CDON: variants seen among roughly 807,000 people sequenced by gnomAD.
CDON encodes the protein cell adhesion molecule-related/down-regulated by oncogenes.
In CDON, 73 loss-of-function variants were observed where a neutral mutation model predicts 120.9. The observed-to-expected ratio is 0.60, with a 90% confidence interval of 0.50 to 0.73. CDON has a LOEUF of 0.73. Ranked by LOEUF, CDON falls within the 30% of genes least tolerant of loss-of-function variation. The pLI is 0.00. For synonymous variants in CDON, 566 were observed against 573.5 expected, an observed-to-expected ratio of 0.99 and a Z score of 0.19; for missense variants, 1,470 against 1,587.3, an observed-to-expected ratio of 0.93 and a Z score of 1.26.
intron 15 of CDON, among the ~76,000 whole-genome samples, chr11:125,984,500 C>T (rs901834365): frequency 3.3e-5 from 5 of 152,066 alleles, no homozygotes; most frequent in East Asian, 1.9e-4. Context: ...AGTTTGCGAA[C>T]GGCCTGAGCA....
rs780737060 is a variant in CDON, at chr11:125,961,880, C to T, written c.3475G>A (p.Val1159Ile). The T allele has an allele frequency of 6.9e-5, 112 of 1,614,104 alleles. No homozygotes were observed. The highest frequency in any genetic ancestry group is 8.8e-5 in the Non-Finnish European group (104 of 1,180,034). ...MKPLSHVKVP[V>I]CLTSAVPDCG... ...TCAGGGACTGCGGAAGTCAGGCATA[C>T]AGGCACCTTCACGTGACTGAGGGGC... is the stretch of plus-strand genomic sequence containing the variant. The change falls in exon 19 of 20, where the codon GTA becomes ATA. Residue 1159 changes from valine (V) to isoleucine (I), a missense_variant. Physicochemically the swap from Val to Ile is conservative, Grantham distance 29. Coordinates refer to ENST00000531738, the MANE Select transcript of CDON (RefSeq NM_001378964.1).
At chr11:126,060,961 C>A (rs1354180339) in intron 1 of CDON, among the ~76,000 whole-genome samples, 1 of 152,204 alleles carries the variant, frequency 6.6e-6, no homozygotes, top group Non-Finnish European at 1.5e-5. Context: ...TGTTTAAGTA[C>A]TTTGCACAGA....
intron 1 of CDON, among the ~76,000 whole-genome samples, chr11:126,033,167 CAAGT>C (rs1458157870): frequency 6.6e-6 from 1 of 152,196 alleles, no homozygotes; most frequent in East Asian, 1.9e-4. Context: ...CTGACTCAGA[CAAGT>C]GAGTGAGTGG....
chr11:125,970,224 G>C (rs1348965289), intron 18 of CDON, among the ~76,000 whole-genome samples: 2 of 148,422 alleles, frequency 1.3e-5, no homozygotes, highest in African/African-American at 5.0e-5. Context: ...CGCCAGGCTG[G>C]AGTGCAGTGG....
intron 18 of CDON, among the ~76,000 whole-genome samples, chr11:125,971,338 G>C (rs886694653): frequency 1.3e-5 from 2 of 151,698 alleles, no homozygotes; most frequent in Non-Finnish European, 2.9e-5. Flanking sequence ...AGCCGAGATC[G>C]CACCACTGCA....
intron 1 of CDON, among the ~76,000 whole-genome samples, chr11:126,050,086 A>G (rs1053756797): frequency 6.6e-6 from 1 of 152,102 alleles, no homozygotes; most frequent in Non-Finnish European, 1.5e-5. Context: ...GAACTTTAGA[A>G]GAATGAGTTT....
At chr11:126,024,036 T>C (rs1277911071) in intron 1 of CDON, among the ~76,000 whole-genome samples, 1 of 152,190 alleles carries the variant, frequency 6.6e-6, no homozygotes, top group African/African-American at 2.4e-5. Flanking sequence ...TTTTTTCAGA[T>C]GGAGGACTCC....
At chr11:125,987,461 A>G (rs1414595375) in intron 15 of CDON, among the ~76,000 whole-genome samples, 1 of 152,216 alleles carries the variant, frequency 6.6e-6, no homozygotes, top group African/African-American at 2.4e-5. Flanking sequence ...TGAAGTACAC[A>G]TGAGATCTTC....
At chr11:126,004,110 C>T (rs777952732) in intron 9 of CDON, 34 bp from the exon 10 acceptor site, 1 of 1,604,376 alleles carries the variant, frequency 6.2e-7, no homozygotes, top group East Asian at 2.2e-5. Context: ...AAAAGAAAAG[C>T]AGGAGATGGA....
intron 18 of CDON, among the ~76,000 whole-genome samples, chr11:125,967,608 C>T (rs1333152598): frequency 6.6e-6 from 1 of 152,154 alleles, no homozygotes; most frequent in East Asian, 1.9e-4. Flanking sequence ...GCCTTGATGT[C>T]GCATTGCTCT....
intron 18 of CDON, among the ~76,000 whole-genome samples, chr11:125,965,020 G>A (rs1194972852): frequency 1.3e-5 from 2 of 152,084 alleles, no homozygotes; most frequent in African/African-American, 4.8e-5. Context: ...TCCGCCTTTC[G>A]GGTTCAAGCA....
intron 2 of CDON, among the ~76,000 whole-genome samples, chr11:126,022,412 C>T (rs545369501): frequency 4.6e-5 from 7 of 152,198 alleles, no homozygotes; most frequent in South Asian, 4.2e-4. Flanking sequence ...CATAGGGCTT[C>T]GTATTTTTAT....
At chr11:126,040,724 A>C (rs1948234546) in intron 1 of CDON, among the ~76,000 whole-genome samples, 1 of 141,548 alleles carries the variant, frequency 7.1e-6, no homozygotes, top group East Asian at 2.3e-4. Context: ...CTGAGGCAGG[A>C]GAATGGCGTG....
At position 125,958,611 on chromosome 11, in the gene CDON, A is replaced by G. The variant is rs1023512631; in HGVS notation, c.*2331T>C. ...TGTGTGTTTATATATATATATTTAT[A>G]TATTTCAATATATAAAGGCATTTTT... On this transcript the variant is annotated 3_prime_UTR_variant, in exon 20 of 20. Coordinates refer to ENST00000531738, the MANE Select transcript of CDON (RefSeq NM_001378964.1). 1 of 148,724 alleles carries G rather than the reference A, an allele frequency of 6.7e-6. No individual in the cohort carries two copies. The highest frequency in any genetic ancestry group is 1.5e-5 in the Non-Finnish European group (1 of 66,978). The allele number at this position is 148,724 out of a possible 1,614,324, so 9.2% of individuals were successfully genotyped here. A position where few individuals can be genotyped will look rare whatever the true frequency, so the allele number is the denominator to read the frequency against.
intron 18 of CDON, among the ~76,000 whole-genome samples, chr11:125,965,505 C>T (rs1490741386): frequency 2.0e-5 from 3 of 152,112 alleles, no homozygotes; most frequent in Non-Finnish European, 4.4e-5. Context: ...AAGAAAGAGA[C>T]AGATAAGAAG....
chr11:125,960,071 G>C lies in CDON; in HGVS notation c.*871C>G, dbSNP rs148777681. 2.0e-5 allele frequency: 3 copies of C among 152,090 alleles called. No homozygotes were observed. Among genetic ancestry groups the C allele is most frequent in the African/African-American group, 4.8e-5 (2 of 41,406 alleles). 9.4% of individuals were successfully genotyped at this position (152,090 alleles called of 1,614,324 possible). ...GTGCCTAGCAAACTGAACATCACTC[G>C]TGCCCACGTGCAGATACAAAGTCAA... On this transcript the variant is annotated 3_prime_UTR_variant, in exon 20 of 20. Transcript: ENST00000531738.
chr11:125,963,483 T>C (rs1040480993), intron 18 of CDON, among the ~76,000 whole-genome samples: 2 of 152,198 alleles, frequency 1.3e-5, no homozygotes, highest in Admixed American at 6.5e-5. Context: ...TGGGCTGATA[T>C]GTTTCTGGGG....
At chr11:125,963,463 C>T (rs1470031615) in intron 18 of CDON, among the ~76,000 whole-genome samples, 1 of 152,096 alleles carries the variant, frequency 6.6e-6, no homozygotes, top group Non-Finnish European at 1.5e-5. Context: ...GGATTTGCAT[C>T]CTTTAAACAT....
chr11:126,012,301 A>AT (rs1413294852), intron 7 of CDON, among the ~76,000 whole-genome samples: 2 of 152,204 alleles, frequency 1.3e-5, no homozygotes, highest in African/African-American at 4.8e-5. Flanking sequence ...TGAGGAACTG[A>AT]TATCTCTTCC....
Sources: allele counts gnomAD v4.1 joint callset (sites outside exome capture counted in the v4.1 genomes callset), GRCh38; gene constraint gnomAD v4.1.1; transcripts MANE v1.5; gene names NCBI Gene and HGNC (gene_info 2026-07-23, HGNC 2026-07-21).